SYNE2: variants seen among roughly 807,000 people sequenced by gnomAD.
The protein encoded by SYNE2 is spectrin repeat containing nuclear envelope protein 2, also known as nesprin-2.
A neutral mutation model predicts 856.3 loss-of-function variants in SYNE2; 431 were observed. The observed-to-expected ratio is 0.50, with a 90% confidence interval of 0.47 to 0.55. The LOEUF is 0.55. Among genes scored for constraint, SYNE2 ranks in the 20% least tolerant of loss-of-function variants. SYNE2 has a pLI of 0.00. For missense variants in SYNE2, 8,129 were observed against 8,023.2 expected, an observed-to-expected ratio of 1.01 and a Z score of -0.50; for synonymous variants, 2,923 against 2,872.3, an observed-to-expected ratio of 1.02 and a Z score of -0.56.
At chr14:63,981,291 T>C in intron 16 of SYNE2, 118 bp downstream of exon 16, 3 of 894,748 alleles carry the variant, frequency 3.4e-6, no homozygotes, top group Non-Finnish European at 3.6e-6. Flanking sequence ...TTTTGGAAAA[T>C]TCTTCAAGGT....
intron 45 of SYNE2, among the ~76,000 whole-genome samples, chr14:64,039,657 T>A (rs560003028): frequency 6.6e-6 from 1 of 152,230 alleles, no homozygotes; most frequent in Non-Finnish European, 1.5e-5. Flanking sequence ...TTATTAACTT[T>A]GAACATTTTA....
At position 64,100,555 on chromosome 14, in the gene SYNE2, T is replaced by TAG. The variant is rs59413412; in HGVS notation, c.12382-1376_12382-1375insGA. Among the ~76,000 whole-genome samples the TAG allele has an allele frequency of 8.2e-5, 10 of 122,048 alleles. No individual in the cohort carries two copies. The East Asian group carries it at 8.9e-4, about 11-fold the overall frequency. 80.1% of individuals were successfully genotyped at this position (122,048 alleles called of 152,430 possible). The stretch of plus-strand genomic sequence containing the variant: ...AAATATATATATATATATATATATA[T>TAG]ATATATATATATATATTTATGACAT... On this transcript the variant is annotated intron_variant, in intron 63 of 115. Transcript: ENST00000555002.
intron 11 of SYNE2, among the ~76,000 whole-genome samples, chr14:63,968,778 A>G (rs1041929779): frequency 6.6e-6 from 1 of 152,228 alleles, no homozygotes; most frequent in African/African-American, 2.4e-5. Flanking sequence ...GCAATGTGAA[A>G]TAAACACATC....
upstream of SYNE2, among the ~76,000 whole-genome samples, chr14:63,850,079 C>CTT (rs66964099): frequency 7.7e-6 from 1 of 130,432 alleles, no homozygotes; most frequent in South Asian, 2.5e-4. Flanking sequence ...TGACAACATA[C>CTT]TTTTTTTTTT....
chr14:64,182,679 CAT>C (rs1419575732), intron 96 of SYNE2, among the ~76,000 whole-genome samples: 5 of 152,184 alleles, frequency 3.3e-5, no homozygotes, highest in African/African-American at 4.8e-5. Flanking sequence ...GGACACAGCA[CAT>C]GTTTCAGAGA....
chr14:63,966,907 C>T (rs1304379761), intron 10 of SYNE2, among the ~76,000 whole-genome samples: 1 of 151,764 alleles, frequency 6.6e-6, no homozygotes. Flanking sequence ...GTCTCTGTCA[C>T]CAGGCTGGAG....
intron 31 of SYNE2, 50 bp from the exon 32 acceptor site, chr14:64,009,916 G>T (rs572767017): frequency 1.5e-5 from 23 of 1,528,078 alleles, no homozygotes; most frequent in Non-Finnish European, 2.1e-5. Context: ...GAGAAAGAAC[G>T]GTTTTGCTAT....
intron 64 of SYNE2, among the ~76,000 whole-genome samples, chr14:64,105,658 T>C (rs1306775405): frequency 6.6e-6 from 1 of 152,218 alleles, no homozygotes; most frequent in Admixed American, 6.5e-5. Context: ...TTTGTGTACA[T>C]GTCATTTTCC....
Position 64,125,148 on chromosome 14 carries a change from C to T in SYNE2, c.13492C>T (p.Leu4498=). Residue 4498 remains leucine, a synonymous_variant, in exon 71 of 116, where the codon CTG becomes TTG. Coordinates refer to ENST00000555002, the MANE Select transcript of SYNE2 (RefSeq NM_182914.3). ...CTTTAGATACCCAACAACTGAAGAACTGAAAACCTATACCACCCAACTTGA... is the reference window on the plus strand; with the variant it reads ...CTTTAGATACCCAACAACTGAAGAATTGAAAACCTATACCACCCAACTTGA... The part of the protein sequence containing the change: ...YNFRYPTTEE[L]KTYTTQLEDL... 6.2e-7 allele frequency: 1 copy of T among 1,614,176 alleles called. No individual in the cohort carries two copies. The highest frequency in any genetic ancestry group is 8.5e-7 in the Non-Finnish European group (1 of 1,180,032).
In SYNE2 at chr14:64,076,006, G is replaced by A. The variant is rs748433814; in HGVS notation, c.10928G>A (p.Arg3643Gln). The A allele has an allele frequency of 1.4e-5, 23 of 1,613,748 alleles. No individual in the cohort carries two copies. Among genetic ancestry groups the A allele is most frequent in the East Asian group, 4.5e-5 (2 of 44,858 alleles). Residue 3643 changes from arginine (R) to glutamine (Q), a missense_variant, in exon 54 of 116, where the codon CGA becomes CAA. Physicochemically the swap from Arg to Gln is conservative, Grantham distance 43. This residue lies in a region of SYNE2 where 5,410 missense variants were observed against 5,284.8 expected (regional missense o/e 1.02). Transcript: ENST00000555002. ...LTFENIMEKL[R>Q]IKYSEMYTIV... is the part of the protein sequence containing the mutation. ...TTTGAGAATATTATGGAAAAACTGC[G>A]AATCAAGTATTCCGAAATGTACACC... is the stretch of plus-strand genomic sequence containing the variant.
At chr14:63,887,344 G>C (rs1448503182) in intron 1 of SYNE2, among the ~76,000 whole-genome samples, 1 of 152,206 alleles carries the variant, frequency 6.6e-6, no homozygotes, top group East Asian at 1.9e-4. Flanking sequence ...TTTGGAGAAA[G>C]AAATGATGTT....
Position 64,141,432 on chromosome 14 carries a change from C to T in SYNE2, c.15068C>T (p.Thr5023Ile). ...CTTCTTCACCTGAAAGAAACTGATA[C>T]AGCTACACTGAGAGCTTCTTTAGCA... is the stretch of plus-strand genomic sequence containing the variant. The part of the protein sequence containing the change: ...NQLLHLKETD[T>I]ATLRASLAQF... The change falls in exon 81 of 116, where the codon ACA becomes ATA. Residue 5023 changes from threonine (T) to isoleucine (I), a missense_variant. Transcript: ENST00000555002. 6.2e-7 allele frequency: 1 copy of T among 1,614,044 alleles called. No homozygotes were observed. Among genetic ancestry groups the T allele is most frequent in the Non-Finnish European group, 8.5e-7 (1 of 1,179,930 alleles).
chr14:63,955,757 A>G (rs2096233963), intron 8 of SYNE2, among the ~76,000 whole-genome samples: 1 of 152,234 alleles, frequency 6.6e-6, no homozygotes, highest in East Asian at 1.9e-4. Flanking sequence ...ATAAATAATT[A>G]TAACGTTTAT....
At chr14:64,189,955 G>C in intron 98 of SYNE2, 116 bp from the exon 99 acceptor site, 2 of 1,214,082 alleles carry the variant, frequency 1.6e-6, no homozygotes, top group South Asian at 2.7e-5. Context: ...GAGCCACTAT[G>C]CCTGGCCAAT....
intron 31 of SYNE2, among the ~76,000 whole-genome samples, chr14:64,007,746 C>T (rs995176378): frequency 1.3e-5 from 2 of 152,100 alleles, no homozygotes; most frequent in African/African-American, 4.8e-5. Flanking sequence ...ACACAGTTCT[C>T]ATGCCTGTAA....
rs2098583882 is a variant in SYNE2, at chr14:64,203,060, A to G, written c.18201+97A>G. ...TATATCTATGTGTTTTCACGTGCTCACATTCCATAACATTGGTTTGCTTTT... is the reference window on the plus strand; with the variant it reads ...TATATCTATGTGTTTTCACGTGCTCGCATTCCATAACATTGGTTTGCTTTT... On this transcript the variant is annotated intron_variant, in intron 100 of 115. Coordinates refer to ENST00000555002, the MANE Select transcript of SYNE2 (RefSeq NM_182914.3). 3 of 1,454,478 alleles carry G rather than the reference A, an allele frequency of 2.1e-6. No individual in the cohort carries two copies. In the South Asian group the frequency reaches 3.6e-5, roughly 17 times the overall value. The allele number at this position is 1,454,478 out of a possible 1,614,324, so 90.1% of individuals were successfully genotyped here. A position where few individuals can be genotyped will look rare whatever the true frequency, so the allele number is the denominator to read the frequency against.
intron 61 of SYNE2, among the ~76,000 whole-genome samples, chr14:64,097,608 G>C (rs1347802567): frequency 6.6e-6 from 1 of 152,248 alleles, no homozygotes; most frequent in African/African-American, 2.4e-5. Context: ...TCTCAGTCCT[G>C]TAGCTGGCCA....
intron 84 of SYNE2, among the ~76,000 whole-genome samples, chr14:64,151,420 TAAAAAAAAAA>T (rs540541655): frequency 1.0e-4 from 2 of 19,324 alleles, no homozygotes; most frequent in East Asian, 2.8e-3. Context: ...ACAAAGGATT[TAAAAAAAAAA>T]AAAAAAAAAA....
At chr14:64,218,607 G>A (rs2098677980) in intron 109 of SYNE2, 95 bp downstream of exon 109, 14 of 1,220,006 alleles carry the variant, frequency 1.1e-5, no homozygotes, top group South Asian at 6.4e-5. Context: ...CCAACTATAC[G>A]ATTCGCCAGA....
Sources: gnomAD v4.1 joint callset for allele counts (sites outside exome capture counted in the v4.1 genomes callset) on GRCh38, gnomAD v4.1.1 for gene constraint, gnomAD v4.1.1 regional missense constraint, MANE v1.5 for transcripts, NCBI Gene and HGNC (gene_info 2026-07-23, HGNC 2026-07-21) for gene names.